TFCP2: variants seen among roughly 807,000 people sequenced by gnomAD.
TFCP2 encodes alpha-globin transcription factor CP2.
In TFCP2, 33 loss-of-function variants were observed where a neutral mutation model predicts 73.4. That is an observed-to-expected ratio of 0.45 (90% CI 0.34 to 0.60). The LOEUF is 0.60. Among genes scored for constraint, TFCP2 ranks in the 20% least tolerant of loss-of-function variants. The pLI is 0.01. For synonymous variants in TFCP2, 193 were observed against 211.6 expected (o/e 0.91, Z 0.76); for missense variants, 352 against 604.0 (o/e 0.58, Z 4.37).
intron 1 of TFCP2, among the ~76,000 whole-genome samples, chr12:51,140,452 T>TTC (rs1941167590): frequency 7.2e-6 from 1 of 138,076 alleles, no homozygotes; most frequent in Non-Finnish European, 1.6e-5. Flanking sequence ...TTTCTTTTTT[T>TTC]TTTTTTTTTT....
intron 1 of TFCP2, among the ~76,000 whole-genome samples, chr12:51,158,482 CTG>C (rs758327663): frequency 6.6e-6 from 1 of 152,068 alleles, no homozygotes; most frequent in South Asian, 2.1e-4. Context: ...TCATCAGTAT[CTG>C]TTTTTTTGTT....
intron 1 of TFCP2, among the ~76,000 whole-genome samples, chr12:51,154,688 C>T (rs921361313): frequency 2.0e-5 from 3 of 152,070 alleles, no homozygotes; most frequent in African/African-American, 7.2e-5. Context: ...AGTGAGAGTC[C>T]ATCTCTAAAT....
intron 1 of TFCP2, chr12:51,163,023 G>C (rs1941681227): frequency 6.6e-6 from 1 of 152,160 alleles, no homozygotes; most frequent in African/African-American, 2.4e-5. Context: ...TTCAGGGCTG[G>C]GTATGGTGGC....
At chr12:51,154,732 A>G (rs1565576866) in intron 1 of TFCP2, among the ~76,000 whole-genome samples, 2 of 152,112 alleles carry the variant, frequency 1.3e-5, no homozygotes, top group Non-Finnish European at 2.9e-5. Flanking sequence ...CTTTCTCTCA[A>G]AATATCTTAT....
intron 1 of TFCP2, among the ~76,000 whole-genome samples, chr12:51,169,719 C>T (rs1941823729): frequency 6.6e-6 from 1 of 152,028 alleles, no homozygotes; most frequent in African/African-American, 2.4e-5. Context: ...CAGGACCCGT[C>T]TCAAAAAGAA....
rs758839831 is a variant in TFCP2 at position 51,103,774 on chromosome 12, G to A, written c.967-11C>T. On this transcript the variant is annotated splice_polypyrimidine_tract_variant and intron_variant, in intron 9 of 14. Transcript: ENST00000257915. The stretch of plus-strand genomic sequence containing the variant: ...TGTTGGTAAGAGGTTCTGAAAGGGA[G>A]AGCACGTTTTTTAGATAACCAAATA... 1.2e-5 allele frequency: 20 copies of A among 1,607,460 alleles called. No homozygotes were observed. The Admixed American group carries it at 1.5e-4, about 12-fold the overall frequency.
chr12:51,168,392 C>A (rs1345379648), intron 1 of TFCP2, among the ~76,000 whole-genome samples: 1 of 152,144 alleles, frequency 6.6e-6, no homozygotes, highest in Admixed American at 6.5e-5. Context: ...GGCGACAAAG[C>A]AAGACCTCAA....
intron 1 of TFCP2, among the ~76,000 whole-genome samples, chr12:51,135,767 C>G (rs2137008916): frequency 1.3e-5 from 2 of 151,992 alleles, no homozygotes; most frequent in Middle Eastern, 6.8e-3. Flanking sequence ...CTTTTTATAG[C>G]AAGACTTGAC....
At chr12:51,168,087 T>C (rs1043657311) in intron 1 of TFCP2, among the ~76,000 whole-genome samples, 2 of 53,180 alleles carry the variant, frequency 3.8e-5, no homozygotes, top group African/African-American at 1.1e-4. Context: ...TAAGACAAAA[T>C]TAAAATTAAA....
intron 11 of TFCP2, 110 bp downstream of exon 11, chr12:51,101,825 C>T (rs942342172): frequency 1.1e-5 from 7 of 627,888 alleles, no homozygotes; most frequent in Non-Finnish European, 1.4e-5. Context: ...ACATTTAAAA[C>T]AAATGTTTTG....
rs115954061 is a variant in TFCP2 at position 51,113,232 on chromosome 12, C to A, written c.458-2249G>T. 5.9e-3 allele frequency among the ~76,000 whole-genome samples: 896 copies of A among 152,256 alleles called. 5 individuals are homozygous for A. Among genetic ancestry groups the A allele is most frequent in the African/African-American group, 0.019 (786 of 41,562 alleles). On this transcript the variant is annotated intron_variant, in intron 4 of 14. Transcript: ENST00000257915. The stretch of plus-strand genomic sequence containing the variant: ...GATATCAGGATCACTGCATGAGAAC[C>A]AATGTTTTCTCAGGTAAAATTAGTA...
chr12:51,107,330 C>CT lies in TFCP2; in HGVS notation c.733dup (p.Arg245LysfsTer7). 6.2e-7 allele frequency: 1 copy of CT among 1,611,026 alleles called. No homozygotes were observed. Among genetic ancestry groups the CT allele is most frequent in the Non-Finnish European group, 8.5e-7 (1 of 1,179,246 alleles). On this transcript the variant is annotated frameshift_variant, in exon 7 of 15. Transcript: ENST00000257915. LOFTEE classifies it high-confidence loss of function. The stretch of plus-strand genomic sequence containing the variant: ...TTTTTCCCTATCCGTTTTTTGCTTT[C>CT]TGTCTGCACCTTTGGGCTGAAATGA...
chr12:51,165,497 G>A (rs563129897), intron 1 of TFCP2, among the ~76,000 whole-genome samples: 1 of 150,912 alleles, frequency 6.6e-6, no homozygotes, highest in South Asian at 2.1e-4. Flanking sequence ...AAGTGAATAA[G>A]TCAGTCACAA....
chr12:51,126,105 C>T (rs995459892), intron 1 of TFCP2, among the ~76,000 whole-genome samples: 13 of 151,826 alleles, frequency 8.6e-5, no homozygotes, highest in Middle Eastern at 3.4e-3. Flanking sequence ...TGGTGTTGGG[C>T]GCCTGTAGTC....
At chr12:51,102,115 T>C in intron 10 of TFCP2, 90 bp from the exon 11 acceptor site, 1 of 882,760 alleles carries the variant, frequency 1.1e-6, no homozygotes, top group South Asian at 1.4e-5. Context: ...GGACACCTCA[T>C]TACCAGAATG....
chr12:51,094,008 C>G lies in TFCP2; in HGVS notation c.*1233G>C, dbSNP rs541057397. 6.6e-6 allele frequency: 1 copy of G among 151,394 alleles called. No homozygotes were observed. The highest frequency in any genetic ancestry group is 6.6e-5 in the Admixed American group (1 of 15,192). The allele number at this position is 151,394 out of a possible 1,614,324, so 9.4% of individuals were successfully genotyped here. A position where few individuals can be genotyped will look rare whatever the true frequency, so the allele number is the denominator to read the frequency against. ...ACTTACACACACACACACACACACA[C>G]ACAATCATTCTTAAGGAAGAACAAA... is the stretch of plus-strand genomic sequence containing the variant. On this transcript the variant is annotated 3_prime_UTR_variant, in exon 15 of 15. Coordinates refer to ENST00000257915, the MANE Select transcript of TFCP2 (RefSeq NM_005653.5).
At chr12:51,161,006 C>T (rs553612572) in intron 1 of TFCP2, among the ~76,000 whole-genome samples, 1 of 152,210 alleles carries the variant, frequency 6.6e-6, no homozygotes, top group East Asian at 1.9e-4. Context: ...CACATGCACA[C>T]CCCCGACTGA....
chr12:51,142,522 C>G (rs569143553), intron 1 of TFCP2, among the ~76,000 whole-genome samples: 1 of 152,124 alleles, frequency 6.6e-6, no homozygotes, highest in Admixed American at 6.5e-5. Flanking sequence ...CCTGATGCAA[C>G]GAAGGCTAAG....
At chr12:51,126,625 G>A (rs1013584141) in intron 1 of TFCP2, among the ~76,000 whole-genome samples, 3 of 152,154 alleles carry the variant, frequency 2.0e-5, no homozygotes, top group Non-Finnish European at 4.4e-5. Flanking sequence ...GAGTAAGAAA[G>A]GCAGTAGATA....
Sources: gnomAD v4.1 joint callset for allele counts (sites outside exome capture counted in the v4.1 genomes callset) on GRCh38, gnomAD v4.1.1 for gene constraint, MANE v1.5 for transcripts, NCBI Gene and HGNC (gene_info 2026-07-23, HGNC 2026-07-21) for gene names.